Variants in RP1 observed in about 807,000 individuals in gnomAD.
RP1 encodes oxygen-regulated protein 1.
RP1 carries 16 observed loss-of-function variants against 14.8 expected under a neutral mutation model. The observed-to-expected ratio is 1.08, with a 90% confidence interval of 0.73 to 1.65. The LOEUF (loss-of-function observed/expected upper bound fraction) is 1.65. Ranked by LOEUF, RP1 falls within the 40% of genes most tolerant of loss-of-function variation. The pLI, the probability that RP1 is intolerant of heterozygous loss-of-function variation, is 0.00. For missense variants in RP1, 2,631 were observed against 2,535.0 expected (o/e 1.04, Z -0.81); for synonymous variants, 876 against 883.6 (o/e 0.99, Z 0.15).
In RP1 at chr8:54,629,912, T is replaced by A. The variant is rs1463180439; in HGVS notation, c.6030T>A (p.Ile2010=). 1.2e-6 allele frequency: 2 copies of A among 1,613,826 alleles called. No individual in the cohort carries two copies. The highest frequency in any genetic ancestry group is 1.7e-5 in the Admixed American group (1 of 60,008). The change falls in exon 4 of 4, where the codon ATT becomes ATA. Residue 2010 remains isoleucine (I), a synonymous_variant. Transcript: ENST00000220676. The part of the protein sequence containing the change: ...LMGKRRKQKR[I]NFLGLEEEGN... ...GTAAAAGAAGAAAACAAAAAAGAAT[T>A]AACTTCTTGGGGTTAGAGGAAGAAG... is the stretch of plus-strand genomic sequence containing the variant.
At chr8:54,782,687 G>T (rs141453153) in intron 23 of RP1, among the ~76,000 whole-genome samples, 2 of 151,940 alleles carry the variant, frequency 1.3e-5, no homozygotes, top group South Asian at 2.1e-4. Flanking sequence ...GGGTGAGAGG[G>T]GTTCATTGCT....
intron 21 of RP1, among the ~76,000 whole-genome samples, chr8:54,757,681 T>C (rs1418301528): frequency 6.6e-6 from 1 of 152,204 alleles, no homozygotes; most frequent in East Asian, 1.9e-4. Context: ...TAGAAAGCTA[T>C]AAGCACACTG....
chr8:54,845,254 T>C (rs1811887529), intron 25 of RP1, among the ~76,000 whole-genome samples: 1 of 152,122 alleles, frequency 6.6e-6, no homozygotes. Flanking sequence ...CTAGAAAGGG[T>C]GCAGCTCTGG....
chr8:54,870,069 C>G (rs780426112), exon 29 of RP1: 57 of 426,200 alleles, frequency 1.3e-4, no homozygotes, highest in Non-Finnish European at 2.0e-4. Flanking sequence ...GTTGGACCCA[C>G]TCATTGTTTC....
intron 24 of RP1, among the ~76,000 whole-genome samples, chr8:54,832,286 T>A (rs1002130313): frequency 6.6e-6 from 1 of 151,868 alleles, no homozygotes; most frequent in Non-Finnish European, 1.5e-5. Flanking sequence ...TATGTTAGTT[T>A]AATTGATACT....
At chr8:54,700,476 C>T (rs973298215) in intron 13 of RP1, among the ~76,000 whole-genome samples, 15 of 151,918 alleles carry the variant, frequency 9.9e-5, no homozygotes, top group Non-Finnish European at 1.6e-4. Context: ...CAGATTTTTC[C>T]ATGAAGCCTT....
chr8:54,836,787 T>C (rs1285814982), intron 24 of RP1, among the ~76,000 whole-genome samples: 1 of 152,190 alleles, frequency 6.6e-6, no homozygotes, highest in Non-Finnish European at 1.5e-5. Flanking sequence ...AAATGGGTCT[T>C]ATTTCAAGTA....
rs114381482 is a variant in RP1 at position 54,766,585 on chromosome 8, T to C, written c.3249-3156T>C. 7.7e-3 allele frequency among the ~76,000 whole-genome samples: 1,173 copies of C among 152,254 alleles called. 19 individuals are homozygous for C. The highest frequency in any genetic ancestry group is 0.027 in the African/African-American group (1,102 of 41,526). ...AGACATAGAATCTTCAAATATTTCT[T>C]CTGCCATTTTCAATGTGAAAGTGTG... On this transcript the variant is annotated intron_variant, in intron 22 of 22. Transcript: ENST00000636932.
chr8:54,630,790 A>G lies in RP1; in HGVS notation c.*437A>G. 9.9e-7 allele frequency: 1 copy of G among 1,005,762 alleles called. No individual in the cohort carries two copies. The highest frequency in any genetic ancestry group is 1.2e-6 in the Non-Finnish European group (1 of 842,572). The allele number at this position is 1,005,762 out of a possible 1,614,324, so 62.3% of individuals were successfully genotyped here. A position where few individuals can be genotyped will look rare whatever the true frequency, so the allele number is the denominator to read the frequency against. On this transcript the variant is annotated 3_prime_UTR_variant, in exon 4 of 4. Coordinates refer to ENST00000220676, the MANE Select transcript of RP1 (RefSeq NM_006269.2). ...TATTCTTTTTAACTACTGATTTGAT[A>G]AAAAGTATGATTATAAGATATCCAC...
At chr8:54,561,883 A>G (rs1804292973) in intron 1 of RP1, 1 of 152,266 alleles carries the variant, frequency 6.6e-6, no homozygotes, top group South Asian at 2.1e-4. Flanking sequence ...CCTGCATACA[A>G]TAACAATAAT....
chr8:54,820,213 A>C (rs1585720103), intron 24 of RP1, among the ~76,000 whole-genome samples: 1 of 152,146 alleles, frequency 6.6e-6, no homozygotes, highest in East Asian at 1.9e-4. Context: ...TTCCCCAAGC[A>C]GTGGAGTTTC....
chr8:54,643,249 A>G (rs936632248), intron 3 of RP1, among the ~76,000 whole-genome samples: 1 of 152,208 alleles, frequency 6.6e-6, no homozygotes, highest in Non-Finnish European at 1.5e-5. Flanking sequence ...TGCATTTTAA[A>G]TGTACAATGT....
At chr8:54,770,360 A>C (rs567792848), downstream of RP1, among the ~76,000 whole-genome samples, 1 of 151,940 alleles carries the variant, frequency 6.6e-6, no homozygotes, top group African/African-American at 2.4e-5. Context: ...TTTAGCTCCA[A>C]ATGCTTTTTT....
chr8:54,820,327 G>C (rs1012087999), intron 24 of RP1, among the ~76,000 whole-genome samples: 4 of 152,068 alleles, frequency 2.6e-5, no homozygotes, highest in African/African-American at 9.7e-5. Flanking sequence ...AAGATCACTG[G>C]CTCCAAGTCC....
At chr8:54,787,427 A>G (rs1215895874) in intron 24 of RP1, among the ~76,000 whole-genome samples, 2 of 152,044 alleles carry the variant, frequency 1.3e-5, no homozygotes, top group Non-Finnish European at 2.9e-5. Flanking sequence ...CTTTGCTGAA[A>G]TTTGTTTAAT....
At chr8:54,856,502 A>G (rs1367684167) in intron 26 of RP1, among the ~76,000 whole-genome samples, 2 of 152,228 alleles carry the variant, frequency 1.3e-5, no homozygotes, top group African/African-American at 2.4e-5. Context: ...ATATTAAGAG[A>G]CAGAACAATG....
At chr8:54,689,460 T>G (rs1807655414) in intron 12 of RP1, among the ~76,000 whole-genome samples, 1 of 151,984 alleles carries the variant, frequency 6.6e-6, no homozygotes, top group Non-Finnish European at 1.5e-5. Flanking sequence ...GTTATTTCCT[T>G]TCTTGGGGCC....
chr8:54,750,422 C>A (rs754712897), intron 19 of RP1, among the ~76,000 whole-genome samples: 62 of 152,188 alleles, frequency 4.1e-4, no homozygotes, highest in Admixed American at 8.5e-4. Context: ...GGCACAAAAA[C>A]CGCCCTCTTA....
chr8:54,854,840 G>A (rs1237895133), intron 26 of RP1, among the ~76,000 whole-genome samples: 1 of 152,132 alleles, frequency 6.6e-6, no homozygotes, highest in East Asian at 1.9e-4. Flanking sequence ...ACTCCAGCCT[G>A]GGTGACAGAG....
Sources: allele counts gnomAD v4.1 joint callset (sites outside exome capture counted in the v4.1 genomes callset), GRCh38; gene constraint gnomAD v4.1.1; transcripts MANE v1.5; gene names NCBI Gene and HGNC (gene_info 2026-07-23, HGNC 2026-07-21).